Variants in UGGT1 observed in about 807,000 individuals in gnomAD.
UGGT1 encodes the protein UDP-glucose:glycoprotein glucosyltransferase 1.
A neutral mutation model predicts 203.9 loss-of-function variants in UGGT1; 107 were observed. The observed-to-expected ratio is 0.52, with a 90% CI of 0.45 to 0.62. The LOEUF (loss-of-function observed/expected upper bound fraction) is 0.62, where lower values mean the gene tolerates loss of function less well. Ranked by LOEUF, UGGT1 falls within the 20% of genes least tolerant of loss-of-function variation. The pLI is 0.00. For synonymous variants in UGGT1, 628 were observed against 653.5 expected (o/e 0.96, Z 0.59); for missense variants, 1,673 against 1,867.2 (o/e 0.90, Z 1.92).
At chr2:128,137,535 G>A (rs962772015) in intron 15 of UGGT1, among the ~76,000 whole-genome samples, 2 of 152,192 alleles carry the variant, frequency 1.3e-5, no homozygotes, top group African/African-American at 4.8e-5. Context: ...ATCTTTCACA[G>A]GGCAGACATT....
Position 128,091,244 on chromosome 2 carries a change from GGGAAA to G in UGGT1, c.-111_-107del. 8.3e-7 allele frequency: 1 copy of G among 1,200,252 alleles called. No homozygotes were observed. 74.4% of individuals were successfully genotyped at this position (1,200,252 alleles called of 1,614,324 possible). ...GAGGCTGGGTGTTGAGTCGAGCCGC[GGGAAA>G]GGCGCGTGTCGGCCTCTCACTGGCG... On this transcript the variant is annotated 5_prime_UTR_variant, in exon 1 of 41. Transcript: ENST00000259253.
At chr2:128,154,839 TAGAGAC>T (rs1163249551) in intron 19 of UGGT1, among the ~76,000 whole-genome samples, 4 of 152,150 alleles carry the variant, frequency 2.6e-5, no homozygotes, top group East Asian at 1.9e-4. Context: ...GGGAGATTGT[TAGAGAC>T]AGAGAGTTTA....
chr2:128,123,267 C>T (rs749551378), intron 11 of UGGT1, 21 bp downstream of exon 11: 3 of 1,605,422 alleles, frequency 1.9e-6, no homozygotes, highest in Non-Finnish European at 2.6e-6. Context: ...ATAGAAAATA[C>T]TGACCTGTTT....
chr2:128,174,967 A>G, intron 31 of UGGT1, 109 bp downstream of exon 31: 1 of 880,886 alleles, frequency 1.1e-6, no homozygotes, highest in Non-Finnish European at 1.7e-6. Flanking sequence ...TTTAATTTGC[A>G]GTTGTATGTG....
In UGGT1 at chr2:128,113,738, TGGG is replaced by T. The variant is rs1687974033; in HGVS notation, c.696+481_696+483del. 2.5e-3 allele frequency among the ~76,000 whole-genome samples: 8 copies of T among 3,148 alleles called. 2 individuals carry two copies. The highest frequency in any genetic ancestry group is 2.6e-3 in the African/African-American group (7 of 2,688). 2.1% of individuals were successfully genotyped at this position (3,148 alleles called of 152,430 possible). On this transcript the variant is annotated intron_variant, in intron 6 of 40. Coordinates refer to ENST00000259253, the MANE Select transcript of UGGT1 (RefSeq NM_020120.4). ...GCTCACGCCTGTAATCCCAGCACTT[TGGG>T]AGGCCGAGGCGGGCGGATCACGAGG...
chr2:128,149,562 A>G (rs894216439), intron 18 of UGGT1, among the ~76,000 whole-genome samples: 4 of 151,120 alleles, frequency 2.6e-5, no homozygotes, highest in African/African-American at 9.7e-5. Flanking sequence ...TCAGGAGATC[A>G]AGATCATTCT....
intron 40 of UGGT1, 107 bp downstream of exon 40, chr2:128,187,721 T>C (rs1692055217): frequency 8.1e-7 from 1 of 1,241,472 alleles, no homozygotes; most frequent in East Asian, 2.7e-5. Context: ...AAATCTCCTA[T>C]TAATCCTTCC....
In UGGT1 at chr2:128,172,572, G is replaced by A; in HGVS notation, c.3105-1G>A. The A allele has an allele frequency of 6.2e-7, 1 of 1,613,818 alleles. No homozygotes were observed. Among genetic ancestry groups the A allele is most frequent in the Non-Finnish European group, 8.5e-7 (1 of 1,179,980 alleles). On this transcript the variant is annotated splice_acceptor_variant, in intron 28 of 40. Transcript: ENST00000259253. LOFTEE classifies it high-confidence loss of function. ...TCTAACACTTTCCTTTTCAATTTCAGCTTTTACCGTTATGTCTTAGAACCA... is the reference window on the plus strand; with the variant it reads ...TCTAACACTTTCCTTTTCAATTTCAACTTTTACCGTTATGTCTTAGAACCA...
intron 18 of UGGT1, among the ~76,000 whole-genome samples, chr2:128,147,645 C>CT (rs994742058): frequency 1.3e-5 from 2 of 151,714 alleles, no homozygotes; most frequent in Non-Finnish European, 2.9e-5. Context: ...GGGTCTCGCT[C>CT]TGTCACCCGG....
rs893315145 is a variant in UGGT1, at chr2:128,161,196, A to G, written c.2753A>G (p.Glu918Gly). 10 of 1,613,968 alleles carry G rather than the reference A, an allele frequency of 6.2e-6. No individual in the cohort carries two copies. The highest frequency in any genetic ancestry group is 8.5e-6 in the Non-Finnish European group (10 of 1,180,000). Reference protein sequence around the residue: ...LFNQDDFHLLENIILKTSGQK... With the variant: ...LFNQDDFHLLGNIILKTSGQK... ...AATCAAGACGATTTCCACCTCCTCG[A>G]AAATATCATCTTAAAAACCTCAGGA... The change falls in exon 25 of 41, where the codon GAA becomes GGA. Residue 918 changes from glutamate (E) to glycine (G), a missense_variant. Transcript: ENST00000259253.
At position 128,091,302 on chromosome 2, in the gene UGGT1, C is replaced by G; in HGVS notation, c.-56C>G. On this transcript the variant is annotated 5_prime_UTR_variant, in exon 1 of 41. Coordinates refer to ENST00000259253, the MANE Select transcript of UGGT1 (RefSeq NM_020120.4). ...GCCTGCACTGCCGCTGCCGCCTCGC[C>G]CCGCCCTGCCCTGGCGTTGTCTCTG... The G allele has an allele frequency of 6.7e-7, 1 of 1,486,778 alleles. No homozygotes were observed. Among genetic ancestry groups the G allele is most frequent in the Non-Finnish European group, 9.0e-7 (1 of 1,114,648 alleles). 92.1% of individuals were successfully genotyped at this position (1,486,778 alleles called of 1,614,324 possible).
intron 37 of UGGT1, 148 bp downstream of exon 37, chr2:128,182,438 G>A: frequency 9.3e-7 from 1 of 1,073,892 alleles, no homozygotes; most frequent in African/African-American, 1.6e-5. Flanking sequence ...AGTGGCTCAT[G>A]CCTTAATCCC....
chr2:128,143,113 C>G lies in UGGT1; in HGVS notation c.1739C>G (p.Thr580Ser), dbSNP rs757364995. The change falls in exon 17 of 41, where the codon ACT (threonine) becomes AGT (serine). Residue 580 changes from threonine to serine, a missense_variant. By Grantham distance (58) the Thr-to-Ser change is moderately conservative. Around this residue, in one of 4 missense-constraint regions of UGGT1, gnomAD observed 1,073 missense variants for 1,078.7 expected, o/e 0.99. Coordinates refer to ENST00000259253, the MANE Select transcript of UGGT1 (RefSeq NM_020120.4). ...CTTCAGATCTATAACAAGGTGAGGA[C>G]TGGAGAAAAAGTGAAAGTTGAACAT... Reference protein sequence around the residue: ...TLTHIYNKVRTGEKVKVEHVV... With the variant: ...TLTHIYNKVRSGEKVKVEHVV... 1.9e-6 allele frequency: 3 copies of G among 1,608,874 alleles called. No homozygotes were observed. The African/African-American group carries it at 4.0e-5, about 22-fold the overall frequency.
chr2:128,091,380 G>A lies in UGGT1; in HGVS notation c.23G>A (p.Ser8Asn), dbSNP rs748318163. The change falls in exon 1 of 41, where the codon AGC becomes AAC. Residue 8 changes from serine (S) to asparagine (N), a missense_variant. Physicochemically the swap from Ser to Asn is conservative, Grantham distance 46. This residue lies in a region of UGGT1 where 83 missense variants were observed against 87.2 expected (regional missense o/e 0.95). Transcript: ENST00000259253. ...GGCATGGGCTGCAAGGGAGACGCGA[G>A]CGGTGCGTGTGCCGCGGGTGCGCTG... MGCKGDA[S>N]GACAAGALPV... 6.3e-7 allele frequency: 1 copy of A among 1,575,328 alleles called. No homozygotes were observed. Among genetic ancestry groups the A allele is most frequent in the Non-Finnish European group, 8.6e-7 (1 of 1,160,618 alleles).
chr2:128,125,383 A>G (rs1413905516), intron 11 of UGGT1, among the ~76,000 whole-genome samples: 1 of 151,830 alleles, frequency 6.6e-6, no homozygotes, highest in African/African-American at 2.4e-5. Flanking sequence ...GCTAATAATC[A>G]CCCCTTGTAC....
intron 13 of UGGT1, among the ~76,000 whole-genome samples, chr2:128,132,596 T>A (rs959898531): frequency 6.6e-6 from 1 of 152,232 alleles, no homozygotes; most frequent in African/African-American, 2.4e-5. Flanking sequence ...CTTTTATTTT[T>A]ATGTCTTCTT....
intron 8 of UGGT1, among the ~76,000 whole-genome samples, chr2:128,118,361 GCT>G (rs944512711): frequency 6.6e-6 from 1 of 152,110 alleles, no homozygotes; most frequent in African/African-American, 2.4e-5. Context: ...GACTTCCTGG[GCT>G]CAAGGGATCC....
rs1691481562 is a variant in UGGT1 at position 128,177,974 on chromosome 2, C to T, written c.3713+54C>T. The T allele has an allele frequency of 2.1e-6, 3 of 1,423,946 alleles. No individual in the cohort carries two copies. In the East Asian group the frequency reaches 7.3e-5, roughly 35 times the overall value. 88.2% of individuals were successfully genotyped at this position (1,423,946 alleles called of 1,614,324 possible). A position where few individuals can be genotyped will look rare whatever the true frequency, so the allele number is the denominator to read the frequency against. ...TTAAGGAAAAACTGAGATATAAGCA[C>T]CATCCATCCCTCCTTTTTGCATCTT... is the stretch of plus-strand genomic sequence containing the variant. On this transcript the variant is annotated intron_variant, in intron 33 of 40. Transcript: ENST00000259253.
intron 10 of UGGT1, 50 bp from the exon 11 acceptor site, chr2:128,123,136 C>T: frequency 6.9e-7 from 1 of 1,441,784 alleles, no homozygotes; most frequent in Non-Finnish European, 9.5e-7. Flanking sequence ...AAATTGAAGA[C>T]TTTATATCAA....
Sources: gnomAD v4.1 joint callset for allele counts (sites outside exome capture counted in the v4.1 genomes callset) on GRCh38, gnomAD v4.1.1 for gene constraint, gnomAD v4.1.1 regional missense constraint, MANE v1.5 for transcripts, NCBI Gene and HGNC (gene_info 2026-07-23, HGNC 2026-07-21) for gene names.